Variants in ERLEC1 observed in about 807,000 individuals in gnomAD.
ERLEC1 encodes the protein endoplasmic reticulum lectin 1.
In ERLEC1, 47 loss-of-function variants were observed where a neutral mutation model predicts 68.0. The ratio of observed to expected loss-of-function variants is 0.69; its 90% CI spans 0.55 to 0.88. ERLEC1 has a LOEUF of 0.88. ERLEC1 is among the 40% of genes least tolerant of loss of function. ERLEC1 has a pLI of 0.00. For synonymous variants in ERLEC1, 225 were observed against 203.2 expected, an observed-to-expected ratio of 1.11 and a Z score of -0.91; for missense variants, 567 against 583.8, an observed-to-expected ratio of 0.97 and a Z score of 0.30.
chr2:53,794,164 T>G (rs1335140265), intron 1 of ERLEC1, among the ~76,000 whole-genome samples, 181 bp from the exon 2 acceptor site: 1 of 152,216 alleles, frequency 6.6e-6, no homozygotes, highest in East Asian at 1.9e-4. Flanking sequence ...AACCTGCACA[T>G]GTACCCCCCG....
chr2:53,787,556 C>T (rs1446529080), intron 1 of ERLEC1, 184 bp downstream of exon 1: 6 of 609,840 alleles, frequency 9.8e-6, no homozygotes, highest in East Asian at 3.0e-5. Flanking sequence ...GTGGATGCGT[C>T]CCCCTTGCTG....
intron 8 of ERLEC1, among the ~76,000 whole-genome samples, chr2:53,805,404 G>A (rs1218092019): frequency 2.0e-5 from 3 of 151,852 alleles, no homozygotes; most frequent in Non-Finnish European, 4.4e-5. Flanking sequence ...TTTTAGTAGA[G>A]AAAGGGTCTT....
At chr2:53,815,970 C>T (rs1676857907) in intron 13 of ERLEC1, among the ~76,000 whole-genome samples, 1 of 152,046 alleles carries the variant, frequency 6.6e-6, no homozygotes, top group Non-Finnish European at 1.5e-5. Flanking sequence ...TTTTCTCTGT[C>T]TGTGGCTTGC....
chr2:53,809,719 C>T (rs1478580154), intron 10 of ERLEC1, among the ~76,000 whole-genome samples: 1 of 151,926 alleles, frequency 6.6e-6, no homozygotes, highest in Admixed American at 6.6e-5. Flanking sequence ...CAACACAGCA[C>T]TCCAGCCAGG....
rs1675099196 is a variant in ERLEC1 at position 53,787,319 on chromosome 2, C to T, written c.109C>T (p.Leu37Phe). The change falls in exon 1 of 14, where the codon CTC becomes TTC. Residue 37 changes from leucine to phenylalanine, a missense_variant. Coordinates refer to ENST00000185150, the MANE Select transcript of ERLEC1 (RefSeq NM_015701.5). ...ASGGGRALPQ[L>F]SDDIPFRVNW... ...CGGCGGCGGCCGAGCCCTTCCTCAA[C>T]TCAGCGATGACATCCCTTTCCGAGT... is the stretch of plus-strand genomic sequence containing the variant. The T allele has an allele frequency of 6.2e-7, 1 of 1,611,676 alleles. No homozygotes were observed.
chr2:53,796,883 C>CTT (rs1311765881), intron 3 of ERLEC1, among the ~76,000 whole-genome samples: 2 of 134,570 alleles, frequency 1.5e-5, no homozygotes, highest in African/African-American at 2.7e-5. Flanking sequence ...ATAAAGTTTT[C>CTT]TTTTTCTTTT....
Position 53,787,045 on chromosome 2 carries a change from G to A in ERLEC1, c.-166G>A. The A allele has an allele frequency of 2.2e-6, 2 of 929,122 alleles. No homozygotes were observed. Among genetic ancestry groups the A allele is most frequent in the South Asian group, 3.9e-5 (2 of 50,646 alleles). 57.6% of individuals were successfully genotyped at this position (929,122 alleles called of 1,614,324 possible). ...CGGTGACAGGAGGCTCAAGGGGGCG[G>A]AGGCGGCGTTGCCGGGCTCTCCGGA... On this transcript the variant is annotated 5_prime_UTR_variant, in exon 1 of 14. Coordinates refer to ENST00000185150, the MANE Select transcript of ERLEC1 (RefSeq NM_015701.5).
rs79869681 is a variant in ERLEC1, at chr2:53,801,384, C to G, written c.526-13C>G. The G allele has an allele frequency of 7.0e-6, 11 of 1,580,784 alleles. No individual in the cohort carries two copies. Among genetic ancestry groups the G allele is most frequent in the Admixed American group, 1.7e-5 (1 of 59,292 alleles). Reference sequence around the variant, plus strand: ...TCTAATGAAAAGTCTGTCTTATACTCTTTTTTTTTAAGATTCCCACTAAAA... The same window carrying G: ...TCTAATGAAAAGTCTGTCTTATACTGTTTTTTTTTAAGATTCCCACTAAAA... On this transcript the variant is annotated splice_polypyrimidine_tract_variant and intron_variant, in intron 6 of 13. Coordinates refer to ENST00000185150, the MANE Select transcript of ERLEC1 (RefSeq NM_015701.5).
chr2:53,817,123 GT>G (rs1247100945), intron 13 of ERLEC1, among the ~76,000 whole-genome samples: 1 of 143,470 alleles, frequency 7.0e-6, no homozygotes, highest in Non-Finnish European at 1.5e-5. Flanking sequence ...TGTTGTTGTT[GT>G]TTTTTATTTA....
chr2:53,807,520 C>T (rs1676359289), intron 8 of ERLEC1, among the ~76,000 whole-genome samples: 1 of 152,174 alleles, frequency 6.6e-6, no homozygotes, highest in African/African-American at 2.4e-5. Context: ...ATTATCATGC[C>T]TCAACCTCCC....
rs560494842 is a variant in ERLEC1 at position 53,816,335 on chromosome 2, C to T, written c.1380+1400C>T. On this transcript the variant is annotated intron_variant, in intron 13 of 13. Coordinates refer to ENST00000185150, the MANE Select transcript of ERLEC1 (RefSeq NM_015701.5). ...AGGCTGGAGTGCAGTGGCATGATCT[C>T]GGCTCACTGCAACCTCCGCCTCCTG... is the stretch of plus-strand genomic sequence containing the variant. 1.2e-4 allele frequency among the ~76,000 whole-genome samples: 17 copies of T among 147,216 alleles called. No individual in the cohort carries two copies. The South Asian group carries it at 1.9e-3, about 17-fold the overall frequency.
intron 8 of ERLEC1, among the ~76,000 whole-genome samples, chr2:53,806,062 T>C (rs998707981): frequency 1.3e-5 from 2 of 152,250 alleles, no homozygotes; most frequent in African/African-American, 2.4e-5. Context: ...ATTTAGCATA[T>C]GGTTTGCCTC....
intron 13 of ERLEC1, among the ~76,000 whole-genome samples, chr2:53,816,369 C>A (rs557328078): frequency 1.3e-5 from 2 of 150,336 alleles, no homozygotes; most frequent in African/African-American, 4.9e-5. Flanking sequence ...TGGGTTCAAG[C>A]GATTGTCCTG....
At chr2:53,811,042 A>G (rs1676567507) in intron 10 of ERLEC1, among the ~76,000 whole-genome samples, 1 of 152,206 alleles carries the variant, frequency 6.6e-6, no homozygotes, top group Admixed American at 6.5e-5. Flanking sequence ...CACAAGAAAA[A>G]AAATGCATAT....
At chr2:53,794,718 G>A (rs371739166) in intron 2 of ERLEC1, among the ~76,000 whole-genome samples, 7 of 152,076 alleles carry the variant, frequency 4.6e-5, no homozygotes, top group East Asian at 3.9e-4. Flanking sequence ...GCAGTGGCAC[G>A]ATCTTGGCTC....
intron 8 of ERLEC1, among the ~76,000 whole-genome samples, chr2:53,804,125 C>T (rs577564926): frequency 3.9e-5 from 6 of 152,256 alleles, no homozygotes; most frequent in South Asian, 4.2e-4. Context: ...AGCGAGACTC[C>T]ACCTCAACAA....
intron 2 of ERLEC1, 130 bp downstream of exon 2, chr2:53,794,579 A>C (rs186407714): frequency 5.5e-6 from 3 of 546,182 alleles, no homozygotes; most frequent in African/African-American, 4.0e-5. Context: ...AAAAATAGTA[A>C]TCACTTTTAA....
intron 6 of ERLEC1, among the ~76,000 whole-genome samples, chr2:53,799,959 G>T (rs1675919817): frequency 6.6e-6 from 1 of 152,234 alleles, no homozygotes; most frequent in Non-Finnish European, 1.5e-5. Flanking sequence ...GATAAAGGAA[G>T]AGGAAGAAAA....
At chr2:53,817,165 G>A (rs530129422) in intron 13 of ERLEC1, among the ~76,000 whole-genome samples, 3 of 148,286 alleles carry the variant, frequency 2.0e-5, no homozygotes, top group East Asian at 2.0e-4. Context: ...ACAGAGTCTC[G>A]CTCTGTCACC....
Sources: allele counts gnomAD v4.1 joint callset (sites outside exome capture counted in the v4.1 genomes callset), GRCh38; gene constraint gnomAD v4.1.1; transcripts MANE v1.5; gene names NCBI Gene and HGNC (gene_info 2026-07-23, HGNC 2026-07-21).